Variants in NLGN4X observed in about 807,000 individuals in gnomAD.
The protein encoded by NLGN4X is neuroligin 4 X-linked.
Under a neutral mutation model 40.3 loss-of-function variants are expected in NLGN4X, and 3 were observed. That is an observed-to-expected ratio of 0.07 (90% CI 0.03 to 0.19). The LOEUF is 0.19. Ranked by LOEUF, NLGN4X falls within the 10% of genes least tolerant of loss-of-function variation. The probability of loss-of-function intolerance (pLI) is 1.00; values close to 1 mark genes in which losing one functional copy is unlikely to be tolerated. For synonymous variants in NLGN4X, 270 were observed against 306.8 expected (o/e 0.88, Z 1.25); for missense variants, 382 against 708.3 (o/e 0.54, Z 5.23).
Position 5,893,045 on chromosome X carries a change from G to A in NLGN4X, c.2223C>T (p.His741=), listed in dbSNP as rs541646409. The A allele has an allele frequency of 6.4e-4, 774 of 1,209,269 alleles. 9 individuals are homozygous for A. The South Asian group carries it at 0.013, about 20-fold the overall frequency. ...CGTGTGCCTGCAGCGACTCACACTCGTGATCGTGTTCCAGCTGCTTCATCT... is the reference window on the plus strand; with the variant it reads ...CGTGTGCCTGCAGCGACTCACACTCATGATCGTGTTCCAGCTGCTTCATCT... ...SLQMKQLEHD[H]ECESLQAHDT... is the part of the protein sequence containing the mutation. The change falls in exon 6 of 6, where the codon CAC becomes CAT. Residue 741 remains histidine, a synonymous_variant. Coordinates refer to ENST00000381095, the MANE Select transcript of NLGN4X (RefSeq NM_181332.3).
chrX:6,042,730 T>TATATATATACACACACAC (rs1215396694), intron 2 of NLGN4X, among the ~76,000 whole-genome samples: 6 of 20,168 alleles, frequency 3.0e-4, no homozygotes, highest in African/African-American at 7.9e-4. Context: ...TATATATATA[T>TATATATATACACACACAC]ACACACACAC....
chrX:5,982,884 CAAAG>C (rs2035428413), intron 3 of NLGN4X, among the ~76,000 whole-genome samples: 1 of 111,739 alleles, frequency 8.9e-6, no homozygotes, highest in Non-Finnish European at 1.9e-5. Flanking sequence ...AAACAAAAAA[CAAAG>C]AAACAAACAA....
chrX:5,924,460 C>A (rs1211354093), intron 3 of NLGN4X, among the ~76,000 whole-genome samples: 1 of 111,031 alleles, frequency 9.0e-6, no homozygotes. Flanking sequence ...TTTTAAAGTT[C>A]TTTTCACACA....
intron 3 of NLGN4X, among the ~76,000 whole-genome samples, chrX:5,937,633 G>A (rs997491540): frequency 1.8e-5 from 2 of 111,506 alleles, no homozygotes; most frequent in Admixed American, 9.5e-5. Context: ...AGGGATTCCA[G>A]AAGCAGGGAT....
chrX:6,058,048 T>C (rs2037678202), intron 2 of NLGN4X, among the ~76,000 whole-genome samples: 1 of 111,513 alleles, frequency 9.0e-6, no homozygotes, highest in African/African-American at 3.3e-5. Context: ...CATTGCAATT[T>C]TTCAGAAGGG....
At chrX:6,174,851 G>T (rs1304874756) in intron 1 of NLGN4X, among the ~76,000 whole-genome samples, 1 of 111,015 alleles carries the variant, frequency 9.0e-6, no homozygotes, top group Non-Finnish European at 1.9e-5. Flanking sequence ...TACCACCATT[G>T]ATTGGGATCA....
At chrX:5,926,357 C>T (rs1298090642) in intron 3 of NLGN4X, among the ~76,000 whole-genome samples, 2 of 110,678 alleles carry the variant, frequency 1.8e-5, no homozygotes, top group African/African-American at 6.6e-5. Flanking sequence ...GATTAATATA[C>T]TTACTTAATT....
At chrX:5,925,931 T>TAA (rs2033297444) in intron 3 of NLGN4X, among the ~76,000 whole-genome samples, 1 of 58,543 alleles carries the variant, frequency 1.7e-5, no homozygotes, top group African/African-American at 6.0e-5. Context: ...TATATATATA[T>TAA]AAACCTGCGA....
intron 3 of NLGN4X, among the ~76,000 whole-genome samples, chrX:5,973,641 C>A (rs1029516281): frequency 3.6e-5 from 4 of 110,738 alleles, no homozygotes; most frequent in Non-Finnish European, 7.6e-5. Flanking sequence ...GCTACCACGG[C>A]GAAACCCCGT....
chrX:6,213,468 T>A (rs186587031), intron 1 of NLGN4X, among the ~76,000 whole-genome samples: 221 of 111,791 alleles, frequency 2.0e-3, no homozygotes, highest in African/African-American at 7.1e-3. Context: ...TCCAAACAAA[T>A]TGTGATGTCA....
At chrX:6,174,630 C>G (rs2040682012) in intron 1 of NLGN4X, among the ~76,000 whole-genome samples, 1 of 112,137 alleles carries the variant, frequency 8.9e-6, no homozygotes, top group Non-Finnish European at 1.9e-5. Context: ...AGAACAAAAT[C>G]AGGTCCCTTG....
chrX:5,891,490 T>C lies in NLGN4X; in HGVS notation c.*1327A>G, dbSNP rs923956491. ...AGGAAAGACACATGTCTTCCTTCAA[T>C]CTGATTAGCTAAGCTGAGCAGGTAC... On this transcript the variant is annotated 3_prime_UTR_variant, in exon 6 of 6. Transcript: ENST00000381095. 6 of 277,508 alleles carry C rather than the reference T, an allele frequency of 2.2e-5. No homozygotes were observed. The highest frequency in any genetic ancestry group is 4.0e-5 in the Non-Finnish European group (6 of 149,826). 22.9% of individuals were successfully genotyped at this position (277,508 alleles called of 1,213,427 possible). A position where few individuals can be genotyped will look rare whatever the true frequency, so the allele number is the denominator to read the frequency against.
intron 2 of NLGN4X, among the ~76,000 whole-genome samples, chrX:6,102,085 C>G (rs2038920980): frequency 2.7e-5 from 3 of 111,546 alleles, no homozygotes; most frequent in Non-Finnish European, 5.6e-5. Context: ...GATGGGATTA[C>G]AGGCGTGAGC....
At chrX:6,120,494 G>C (rs750682510) in intron 2 of NLGN4X, among the ~76,000 whole-genome samples, 89 of 111,863 alleles carry the variant, frequency 8.0e-4, no homozygotes, top group Middle Eastern at 4.6e-3. Flanking sequence ...GTCAGGCATT[G>C]TGCTAGGGAT....
At chrX:6,072,396 G>C (rs929785676) in intron 2 of NLGN4X, among the ~76,000 whole-genome samples, 1 of 111,053 alleles carries the variant, frequency 9.0e-6, no homozygotes, top group Non-Finnish European at 1.9e-5. Context: ...GTACGTGATA[G>C]AACAGTGGGC....
intron 2 of NLGN4X, among the ~76,000 whole-genome samples, chrX:6,091,957 C>T (rs751538674): frequency 5.6e-5 from 6 of 106,306 alleles, no homozygotes; most frequent in South Asian, 4.3e-4. Context: ...TCTTTTTTTA[C>T]TCCTTCCTTC....
intron 1 of NLGN4X, among the ~76,000 whole-genome samples, chrX:6,171,128 CTCTT>C (rs2040597862): frequency 8.9e-6 from 1 of 112,496 alleles, no homozygotes; most frequent in Admixed American, 9.4e-5. Context: ...CTGGCCTTCT[CTCTT>C]TAACTTTATT....
chrX:6,094,970 AT>A lies in NLGN4X; in HGVS notation c.472+56024del, dbSNP rs765005101. ...GGTGTTAATGAAAAACGTTGCAGCAATTTTTTTTTTAAAAAGAGTAATTTTA... is the reference window on the plus strand; with the variant it reads ...GGTGTTAATGAAAAACGTTGCAGCAATTTTTTTTTAAAAAGAGTAATTTTA... On this transcript the variant is annotated intron_variant, in intron 2 of 5. Coordinates refer to ENST00000381095, the MANE Select transcript of NLGN4X (RefSeq NM_181332.3). 2.8e-3 allele frequency among the ~76,000 whole-genome samples: 304 copies of A among 108,740 alleles called. 2 individuals are homozygous for A. The highest frequency in any genetic ancestry group is 9.1e-3 in the African/African-American group (272 of 29,907). 94.4% of individuals were successfully genotyped at this position (108,740 alleles called of 115,157 possible). A position where few individuals can be genotyped will look rare whatever the true frequency, so the allele number is the denominator to read the frequency against.
At chrX:6,098,804 C>T (rs1382425760) in intron 2 of NLGN4X, among the ~76,000 whole-genome samples, 10 of 111,653 alleles carry the variant, frequency 9.0e-5, no homozygotes, top group Admixed American at 7.6e-4. Flanking sequence ...CCCCTTCAAC[C>T]GCCCGTTCTC....
Sources: allele counts gnomAD v4.1 joint callset (sites outside exome capture counted in the v4.1 genomes callset), GRCh38; gene constraint gnomAD v4.1.1; transcripts MANE v1.5; gene names NCBI Gene and HGNC (gene_info 2026-07-23, HGNC 2026-07-21).